Variants in ARID3B observed in about 807,000 individuals in gnomAD.
ARID3B encodes the protein AT-rich interaction domain 3B, also known as AT-rich interactive domain-containing protein 3B.
Under a neutral mutation model 51.9 loss-of-function variants are expected in ARID3B, and 10 were observed. The observed-to-expected ratio is 0.19, with a 90% CI of 0.12 to 0.33. The LOEUF is 0.33. Ranked by LOEUF, ARID3B falls within the 10% of genes least tolerant of loss-of-function variation. The pLI is 1.00. For missense variants in ARID3B, 483 were observed against 716.3 expected (o/e 0.67, Z 3.72); for synonymous variants, 205 against 279.5 (o/e 0.73, Z 2.66).
At chr15:74,584,383 G>T (rs1010276233) in intron 4 of ARID3B, among the ~76,000 whole-genome samples, 3 of 152,194 alleles carry the variant, frequency 2.0e-5, no homozygotes, top group African/African-American at 7.2e-5. Context: ...ACTCTTCCAG[G>T]CTCTCTGGTC....
chr15:74,558,178 C>CTTTTTTTTTTTTTTTT (rs1208034661), intron 2 of ARID3B, among the ~76,000 whole-genome samples: 2 of 104,668 alleles, frequency 1.9e-5, no homozygotes, highest in Admixed American at 1.0e-4. Context: ...TGGTTTGTGT[C>CTTTTTTTTTTTTTTTT]TTTTTTTTTT....
At chr15:74,595,514 G>C in intron 8 of ARID3B, 97 bp from the exon 9 acceptor site, 1 of 1,399,648 alleles carries the variant, frequency 7.1e-7, no homozygotes, top group Non-Finnish European at 9.7e-7. Context: ...AGCGGAGTCA[G>C]GCACAGGCTA....
At chr15:74,594,657 C>CT (rs2061817502) in intron 8 of ARID3B, among the ~76,000 whole-genome samples, 1 of 152,272 alleles carries the variant, frequency 6.6e-6, no homozygotes, top group African/African-American at 2.4e-5. Flanking sequence ...GGGCCACACT[C>CT]CCTCAGAGCA....
chr15:74,594,447 CA>C (rs922477270), intron 8 of ARID3B, among the ~76,000 whole-genome samples: 20 of 143,514 alleles, frequency 1.4e-4, no homozygotes, highest in South Asian at 2.2e-4. Context: ...GACTCCGTCT[CA>C]AAAAAAAAAA....
intron 2 of ARID3B, among the ~76,000 whole-genome samples, chr15:74,565,683 A>G (rs1257562866): frequency 6.6e-6 from 1 of 151,982 alleles, no homozygotes; most frequent in African/African-American, 2.4e-5. Context: ...GCTCTAAGGA[A>G]TGCAGAGCTG....
chr15:74,578,122 A>C (rs6495115), intron 4 of ARID3B, among the ~76,000 whole-genome samples: 1 of 149,970 alleles, frequency 6.7e-6, no homozygotes, highest in African/African-American at 2.5e-5. Flanking sequence ...CTCCCAAAGT[A>C]CTGGAATTAC....
chr15:74,565,840 A>G (rs1291833686), intron 2 of ARID3B, among the ~76,000 whole-genome samples: 1 of 151,958 alleles, frequency 6.6e-6, no homozygotes, highest in African/African-American at 2.4e-5. Flanking sequence ...GAAGATTGGC[A>G]GTAAGCCATT....
At chr15:74,555,824 C>G (rs1040276844) in intron 2 of ARID3B, among the ~76,000 whole-genome samples, 1 of 132,226 alleles carries the variant, frequency 7.6e-6, no homozygotes, top group African/African-American at 2.9e-5. Context: ...CGGAATCTCA[C>G]CTTGTTGCCC....
chr15:74,544,571 C>A, intron 2 of ARID3B, 83 bp downstream of exon 2: 1 of 1,413,194 alleles, frequency 7.1e-7, no homozygotes, highest in Non-Finnish European at 9.6e-7. Flanking sequence ...AGGGGCTGTG[C>A]CAGTCTGTGC....
At chr15:74,569,217 A>G (rs896243980) in intron 2 of ARID3B, among the ~76,000 whole-genome samples, 3 of 152,222 alleles carry the variant, frequency 2.0e-5, no homozygotes, top group Non-Finnish European at 2.9e-5. Context: ...CAAGAAAATA[A>G]CTGGTTAAGC....
chr15:74,564,088 G>A (rs534896106), intron 2 of ARID3B, among the ~76,000 whole-genome samples: 1 of 152,218 alleles, frequency 6.6e-6, no homozygotes, highest in Non-Finnish European at 1.5e-5. Context: ...ACCTGACAGC[G>A]GAAGGTGTGC....
In ARID3B at chr15:74,597,582, G is replaced by T. The variant is rs1567129436; in HGVS notation, c.*1808G>T. 1.9e-6 allele frequency: 1 copy of T among 535,404 alleles called. No homozygotes were observed. Among genetic ancestry groups the T allele is most frequent in the Non-Finnish European group, 3.6e-6 (1 of 276,672 alleles). 33.2% of individuals were successfully genotyped at this position (535,404 alleles called of 1,614,324 possible). A position where few individuals can be genotyped will look rare whatever the true frequency, so the allele number is the denominator to read the frequency against. On this transcript the variant is annotated 3_prime_UTR_variant, in exon 9 of 9. Transcript: ENST00000346246. The stretch of plus-strand genomic sequence containing the variant: ...TCTGGCCTCAGCCTGCAGGGTGTGG[G>T]CAGAGAAGGGCATCTGGGACGTGGT...
At chr15:74,551,247 C>G (rs2061636443) in intron 2 of ARID3B, among the ~76,000 whole-genome samples, 1 of 152,208 alleles carries the variant, frequency 6.6e-6, no homozygotes, top group Non-Finnish European at 1.5e-5. Flanking sequence ...ACCCACTACT[C>G]TAAAACAACT....
intron 4 of ARID3B, chr15:74,573,490 T>A (rs534977389): frequency 2.2e-6 from 1 of 451,734 alleles, no homozygotes; most frequent in East Asian, 4.1e-5. Context: ...AATTCAAATA[T>A]GCCTTTTTTA....
chr15:74,571,168 T>C (rs1289170441), intron 2 of ARID3B, among the ~76,000 whole-genome samples: 1 of 152,202 alleles, frequency 6.6e-6, no homozygotes, highest in Non-Finnish European at 1.5e-5. Flanking sequence ...CAGAGCCCAC[T>C]GTGAATAGGG....
intron 4 of ARID3B, among the ~76,000 whole-genome samples, chr15:74,576,352 AG>A (rs1427184000): frequency 3.3e-5 from 5 of 152,302 alleles, no homozygotes; most frequent in Middle Eastern, 6.8e-3. Flanking sequence ...GATGAGAAAG[AG>A]AATAAAGATG....
intron 4 of ARID3B, among the ~76,000 whole-genome samples, chr15:74,579,879 G>A (rs1026623923): frequency 2.4e-4 from 36 of 151,062 alleles, no homozygotes; most frequent in African/African-American, 6.1e-4. Flanking sequence ...GTGTGCGCGC[G>A]CGCGCACACG....
intron 2 of ARID3B, among the ~76,000 whole-genome samples, chr15:74,555,408 C>T (rs1457998866): frequency 6.6e-6 from 1 of 152,100 alleles, no homozygotes; most frequent in African/African-American, 2.4e-5. Context: ...CAGCTCACTG[C>T]AGCCTCGACC....
At chr15:74,588,977 T>G (rs894451611) in intron 4 of ARID3B, among the ~76,000 whole-genome samples, 5 of 145,506 alleles carry the variant, frequency 3.4e-5, no homozygotes, top group African/African-American at 1.3e-4. Context: ...CATTTCTCCA[T>G]CAAGCAGGAG....
Sources: gnomAD v4.1 joint callset for allele counts (sites outside exome capture counted in the v4.1 genomes callset) on GRCh38, gnomAD v4.1.1 for gene constraint, MANE v1.5 for transcripts, NCBI Gene and HGNC (gene_info 2026-07-23, HGNC 2026-07-21) for gene names.